The following UST variants were observed in gnomAD, a reference collection of about 807,000 sequenced individuals.
The protein encoded by UST is chondroitin sulfate 2-O-sulfotransferase.
Under a neutral mutation model 45.6 loss-of-function variants are expected in UST, and 21 were observed. That is an observed-to-expected ratio of 0.46 (90% confidence interval 0.33 to 0.66). UST has a LOEUF of 0.66. Ranked by LOEUF, UST falls within the 30% of genes least tolerant of loss-of-function variation. UST has a pLI of 0.02. For synonymous variants in UST, 215 were observed against 200.6 expected (o/e 1.07, Z -0.61); for missense variants, 463 against 512.4 (o/e 0.90, Z 0.93).
intron 5 of UST, among the ~76,000 whole-genome samples, chr6:149,001,274 A>G (rs1033448051): frequency 1.3e-5 from 2 of 152,056 alleles, no homozygotes; most frequent in Non-Finnish European, 2.9e-5. Flanking sequence ...GGGTTTTACC[A>G]TGTTAGCCAG....
chr6:149,025,386 G>A (rs1776036152), intron 7 of UST, among the ~76,000 whole-genome samples: 1 of 152,158 alleles, frequency 6.6e-6, no homozygotes, highest in African/African-American at 2.4e-5. Context: ...CAGAAGCTTA[G>A]GATAGTAAGT....
In UST at chr6:148,816,738, C is replaced by T. The variant is rs115531868; in HGVS notation, c.247+69061C>T. On this transcript the variant is annotated intron_variant, in intron 1 of 7. Coordinates refer to ENST00000367463, the MANE Select transcript of UST (RefSeq NM_005715.3). ...TTAAATGGCTATGATATCGGAGAAA[C>T]AGAGAATAGGATATGGAACATTTAT... Among the ~76,000 whole-genome samples, 418 of 152,224 alleles carry T rather than the reference C, an allele frequency of 2.7e-3. 2 individuals carry two copies. Among genetic ancestry groups the T allele is most frequent in the African/African-American group, 9.7e-3 (401 of 41,536 alleles).
At chr6:148,830,968 A>G (rs1441896331) in intron 1 of UST, among the ~76,000 whole-genome samples, 2 of 151,290 alleles carry the variant, frequency 1.3e-5, no homozygotes, top group African/African-American at 2.4e-5. Flanking sequence ...ATTTTGCCAC[A>G]GTAAAATTCT....
At chr6:148,890,643 A>G (rs999656882) in intron 2 of UST, among the ~76,000 whole-genome samples, 1 of 152,194 alleles carries the variant, frequency 6.6e-6, no homozygotes, top group Admixed American at 6.5e-5. Flanking sequence ...GGTGTGCCAC[A>G]CAACACATAC....
chr6:148,820,090 C>A (rs1435165068), intron 1 of UST, among the ~76,000 whole-genome samples: 1 of 152,164 alleles, frequency 6.6e-6, no homozygotes, highest in African/African-American at 2.4e-5. Flanking sequence ...GGTCTGGCTC[C>A]TTTGTGTTGC....
Position 148,859,761 on chromosome 6 carries a change from C to A in UST, c.248-27225C>A, listed in dbSNP as rs181339712. ...TTTATTAAATAGGGAATCCTTTCCCCATTGCTGGTTTTTGTCAGGTTTGTC... is the reference window on the plus strand; with the variant it reads ...TTTATTAAATAGGGAATCCTTTCCCAATTGCTGGTTTTTGTCAGGTTTGTC... On this transcript the variant is annotated intron_variant, in intron 1 of 7. Coordinates refer to ENST00000367463, the MANE Select transcript of UST (RefSeq NM_005715.3). Among the ~76,000 whole-genome samples the A allele has an allele frequency of 7.0e-3, 1,072 of 152,284 alleles. 8 individuals carry two copies. Among genetic ancestry groups the A allele is most frequent in the African/African-American group, 0.025 (1,038 of 41,538 alleles).
At chr6:149,068,588 TGAAG>T (rs1158181973) in intron 7 of UST, among the ~76,000 whole-genome samples, 1 of 152,220 alleles carries the variant, frequency 6.6e-6, no homozygotes, top group Non-Finnish European at 1.5e-5. Context: ...CACTTGTACT[TGAAG>T]GACACAATAT....
In UST at chr6:148,785,889, G is replaced by A. The variant is rs116481997; in HGVS notation, c.247+38212G>A. On this transcript the variant is annotated intron_variant, in intron 1 of 7. Coordinates refer to ENST00000367463, the MANE Select transcript of UST (RefSeq NM_005715.3). ...GATCCCTTGCTTATAAAAAATGTAT[G>A]AATTGAGGAACCATCATTGGATATA... Among the ~76,000 whole-genome samples, 661 of 152,278 alleles carry A rather than the reference G, an allele frequency of 4.3e-3. 6 individuals are homozygous for A. Among genetic ancestry groups the A allele is most frequent in the African/African-American group, 0.015 (634 of 41,576 alleles).
At chr6:149,031,560 G>T (rs1391069494) in intron 7 of UST, among the ~76,000 whole-genome samples, 1 of 152,152 alleles carries the variant, frequency 6.6e-6, no homozygotes, top group Non-Finnish European at 1.5e-5. Context: ...TTGTTCTTGC[G>T]TTGGGATCAT....
chr6:149,028,579 A>G (rs1395832337), intron 7 of UST, among the ~76,000 whole-genome samples: 5 of 152,248 alleles, frequency 3.3e-5, no homozygotes, highest in African/African-American at 1.2e-4. Context: ...TTAAGAAACA[A>G]TATTTCTGTA....
intron 7 of UST, among the ~76,000 whole-genome samples, chr6:149,028,349 C>G (rs1776081341): frequency 6.6e-6 from 1 of 152,128 alleles, no homozygotes. Context: ...AGTCCTTAGC[C>G]CAGCCTTACT....
At chr6:148,888,359 G>A (rs1327534920) in intron 2 of UST, among the ~76,000 whole-genome samples, 1 of 152,166 alleles carries the variant, frequency 6.6e-6, no homozygotes, top group African/African-American at 2.4e-5. Context: ...ATGACAATTA[G>A]ACATGAGATT....
intron 2 of UST, among the ~76,000 whole-genome samples, chr6:148,939,315 A>AACTACCCT (rs1229363547): frequency 2.0e-5 from 3 of 152,126 alleles, no homozygotes; most frequent in African/African-American, 7.2e-5. Flanking sequence ...TCATAATCTC[A>AACTACCCT]ACTACTTTTT....
At chr6:148,931,408 A>G (rs1159623397) in intron 2 of UST, among the ~76,000 whole-genome samples, 2 of 152,254 alleles carry the variant, frequency 1.3e-5, no homozygotes, top group Non-Finnish European at 2.9e-5. Flanking sequence ...AATGTATTAC[A>G]GATCTGAATG....
chr6:148,942,367 C>A (rs1249607447), intron 3 of UST, among the ~76,000 whole-genome samples: 1 of 151,966 alleles, frequency 6.6e-6, no homozygotes, highest in Non-Finnish European at 1.5e-5. Flanking sequence ...ACTATCCTGG[C>A]CAACATGGTG....
chr6:148,956,857 T>A (rs961345728), intron 4 of UST, among the ~76,000 whole-genome samples: 2 of 152,180 alleles, frequency 1.3e-5, no homozygotes, highest in Non-Finnish European at 2.9e-5. Flanking sequence ...CTTCTTCCAT[T>A]AAAGTGTAAC....
At chr6:148,925,461 G>C (rs75947702) in intron 2 of UST, among the ~76,000 whole-genome samples, 2 of 152,078 alleles carry the variant, frequency 1.3e-5, no homozygotes, top group African/African-American at 4.8e-5. Context: ...AGAAGAAAAA[G>C]AGAAAAAACC....
Position 149,023,101 on chromosome 6 carries a change from GGTGTGTGTGTGTGTGT to G in UST, c.937+1654_937+1669del, listed in dbSNP as rs61544082. ...TCCTTTTGGCTTTATCTTGTTCTATGGTGTGTGTGTGTGTGTGTGTGTGTGTGTGTGTGTGTGTGTG... is the reference window on the plus strand; with the variant it reads ...TCCTTTTGGCTTTATCTTGTTCTATGGTGTGTGTGTGTGTGTGTGTGTGTG... On this transcript the variant is annotated intron_variant, in intron 7 of 7. Transcript: ENST00000367463. Among the ~76,000 whole-genome samples, 533 of 143,448 alleles carry G rather than the reference GGTGTGTGTGTGTGTGT, an allele frequency of 3.7e-3. 2 individuals carry two copies. Among genetic ancestry groups the G allele is most frequent in the African/African-American group, 9.9e-3 (382 of 38,664 alleles). 94.1% of individuals were successfully genotyped at this position (143,448 alleles called of 152,430 possible).
At chr6:149,013,287 C>T (rs912799572) in intron 5 of UST, among the ~76,000 whole-genome samples, 4 of 152,200 alleles carry the variant, frequency 2.6e-5, no homozygotes, top group South Asian at 2.1e-4. Context: ...CAGTGGCTCA[C>T]GCCTGTAATC....
Sources: allele counts gnomAD v4.1 joint callset (sites outside exome capture counted in the v4.1 genomes callset), GRCh38; gene constraint gnomAD v4.1.1; transcripts MANE v1.5; gene names NCBI Gene and HGNC (gene_info 2026-07-23, HGNC 2026-07-21).